The following MLIP variants were observed in gnomAD, a reference collection of about 807,000 sequenced individuals.
MLIP encodes muscular LMNA-interacting protein.
Under a neutral mutation model 84.8 loss-of-function variants are expected in MLIP, and 79 were observed. The ratio of observed to expected loss-of-function variants is 0.93; its 90% CI spans 0.78 to 1.12. The LOEUF (loss-of-function observed/expected upper bound fraction) is 1.12. Ranked by LOEUF, MLIP falls within the 50% of genes most tolerant of loss-of-function variation. MLIP has a pLI of 0.00. For synonymous variants in MLIP, 504 were observed against 463.0 expected, an observed-to-expected ratio of 1.09 and a Z score of -1.14; for missense variants, 1,257 against 1,160.6, an observed-to-expected ratio of 1.08 and a Z score of -1.21.
chr6:54,059,491 T>C (rs1468951098), intron 1 of MLIP, among the ~76,000 whole-genome samples: 1 of 152,184 alleles, frequency 6.6e-6, no homozygotes, highest in Non-Finnish European at 1.5e-5. Context: ...AGGGGAAATA[T>C]TCAATAAATA....
chr6:54,197,209 G>C (rs1778359555), intron 10 of MLIP, among the ~76,000 whole-genome samples: 1 of 152,010 alleles, frequency 6.6e-6, no homozygotes, highest in Admixed American at 6.6e-5. Flanking sequence ...TCAGTAAAAA[G>C]GTGAGGCATT....
At chr6:54,170,632 G>A (rs943989251) in intron 9 of MLIP, among the ~76,000 whole-genome samples, 3 of 151,472 alleles carry the variant, frequency 2.0e-5, no homozygotes, top group African/African-American at 7.3e-5. Context: ...CTGATTCTGG[G>A]AAAATTACTC....
At chr6:54,123,287 T>C (rs1356657809) in intron 2 of MLIP, among the ~76,000 whole-genome samples, 3 of 152,224 alleles carry the variant, frequency 2.0e-5, no homozygotes, top group South Asian at 2.1e-4. Flanking sequence ...CTCTTGATGA[T>C]TGGATTCCAA....
Position 54,266,166 on chromosome 6 carries a change from T to C in MLIP, c.*211T>C. 1 of 581,638 alleles carries C rather than the reference T, an allele frequency of 1.7e-6. No individual in the cohort carries two copies. The highest frequency in any genetic ancestry group is 2.3e-5 in the South Asian group (1 of 43,132). The allele number at this position is 581,638 out of a possible 1,614,324, so 36.0% of individuals were successfully genotyped here. A position where few individuals can be genotyped will look rare whatever the true frequency, so the allele number is the denominator to read the frequency against. ...AGCATAGAAGAGATTTACCTACAGC[T>C]TTTTGCACCACTGTTCTAGCCTTTA... On this transcript the variant is annotated 3_prime_UTR_variant, in exon 14 of 14. Coordinates refer to ENST00000502396, the MANE Select transcript of MLIP (RefSeq NM_001281747.2).
chr6:54,253,079 A>G (rs987415213), intron 12 of MLIP, among the ~76,000 whole-genome samples: 1 of 152,120 alleles, frequency 6.6e-6, no homozygotes, highest in Admixed American at 6.6e-5. Flanking sequence ...GTTGGGTCCT[A>G]TGCTAAGTAC....
rs758576910 is a variant in MLIP at position 54,121,469 on chromosome 6, C to G, written c.119C>G (p.Ala40Gly). 6.2e-7 allele frequency: 1 copy of G among 1,614,030 alleles called. No individual in the cohort carries two copies. Among genetic ancestry groups the G allele is most frequent in the Non-Finnish European group, 8.5e-7 (1 of 1,179,982 alleles). The change falls in exon 2 of 14, where the codon GCC becomes GGC. Residue 40 changes from alanine (A) to glycine (G), a missense_variant. Transcript: ENST00000502396. Reference protein sequence around the residue: ...TPQVSAGGSEAKPLIFTFVPT... With the variant: ...TPQVSAGGSEGKPLIFTFVPT... ...TAGGTCTCTGCTGGTGGTTCTGAAGCCAAACCTCTGATCTTCACATTTGTC... is the reference window on the plus strand; with the variant it reads ...TAGGTCTCTGCTGGTGGTTCTGAAGGCAAACCTCTGATCTTCACATTTGTC...
At chr6:54,220,306 A>C (rs1780135324) in intron 11 of MLIP, among the ~76,000 whole-genome samples, 1 of 152,186 alleles carries the variant, frequency 6.6e-6, no homozygotes, top group Non-Finnish European at 1.5e-5. Flanking sequence ...CAAGGTCATG[A>C]AGCTGTGCAA....
chr6:54,031,920 GC>G (rs1047193542), intron 1 of MLIP, among the ~76,000 whole-genome samples: 1 of 152,122 alleles, frequency 6.6e-6, no homozygotes, highest in African/African-American at 2.4e-5. Flanking sequence ...CCATCAGTAG[GC>G]AGCTATGGCA....
At chr6:54,139,807 C>T (rs1186888242) in intron 4 of MLIP, among the ~76,000 whole-genome samples, 1 of 151,968 alleles carries the variant, frequency 6.6e-6, no homozygotes, top group Non-Finnish European at 1.5e-5. Flanking sequence ...TTTATTGCTA[C>T]AAAGAAATAA....
intron 4 of MLIP, among the ~76,000 whole-genome samples, chr6:54,146,558 G>A (rs1389374795): frequency 6.6e-6 from 1 of 152,152 alleles, no homozygotes; most frequent in East Asian, 1.9e-4. Flanking sequence ...TTGGCTCAAT[G>A]TAGGGGAGAA....
chr6:54,209,023 G>T (rs1779234846), intron 11 of MLIP, among the ~76,000 whole-genome samples: 1 of 152,186 alleles, frequency 6.6e-6, no homozygotes, highest in South Asian at 2.1e-4. Flanking sequence ...AATGCATACA[G>T]GAGAACATAA....
At chr6:54,021,515 C>G (rs1697809758) in intron 1 of MLIP, among the ~76,000 whole-genome samples, 1 of 152,052 alleles carries the variant, frequency 6.6e-6, no homozygotes, top group Admixed American at 6.5e-5. Flanking sequence ...TTTAAAAATT[C>G]ATCAGTTTAT....
At chr6:54,159,062 C>A (rs1774343847) in intron 5 of MLIP, among the ~76,000 whole-genome samples, 1 of 151,880 alleles carries the variant, frequency 6.6e-6, no homozygotes, top group South Asian at 2.1e-4. Context: ...CAGGTGTATG[C>A]CAACACATTC....
At chr6:54,082,035 A>G (rs948885489) in intron 1 of MLIP, among the ~76,000 whole-genome samples, 11 of 152,126 alleles carry the variant, frequency 7.2e-5, no homozygotes, top group Non-Finnish European at 1.2e-4. Context: ...AATTCTCATT[A>G]TAACTATATA....
At chr6:54,259,720 C>T (rs1310561372) in intron 13 of MLIP, among the ~76,000 whole-genome samples, 1 of 151,796 alleles carries the variant, frequency 6.6e-6, no homozygotes, top group African/African-American at 2.4e-5. Flanking sequence ...GAGACAATAC[C>T]TATTATTAGT....
chr6:54,207,686 T>C (rs1031854119), intron 11 of MLIP, among the ~76,000 whole-genome samples: 1 of 152,196 alleles, frequency 6.6e-6, no homozygotes, highest in Admixed American at 6.5e-5. Flanking sequence ...TTGGTGGATA[T>C]GTAGTGTCTG....
At chr6:54,131,645 A>G (rs1414009070) in intron 3 of MLIP, among the ~76,000 whole-genome samples, 1 of 152,194 alleles carries the variant, frequency 6.6e-6, no homozygotes, top group East Asian at 1.9e-4. Context: ...CAGTGATTAT[A>G]TTGTACAGAC....
chr6:54,154,446 A>G (rs1773805848), intron 5 of MLIP, among the ~76,000 whole-genome samples: 1 of 152,208 alleles, frequency 6.6e-6, no homozygotes, highest in African/African-American at 2.4e-5. Context: ...AGGCTGCCGT[A>G]TTGAATACTC....
At chr6:54,252,071 A>ATATAATATATAATATAAATATATAT (rs1782618486) in intron 12 of MLIP, among the ~76,000 whole-genome samples, 1 of 96,972 alleles carries the variant, frequency 1.0e-5, no homozygotes, top group African/African-American at 4.4e-5. Context: ...ATATTATAAC[A>ATATAATATATAATATAAATATATAT]TATAATATAT....
Sources: allele counts gnomAD v4.1 joint callset (sites outside exome capture counted in the v4.1 genomes callset), GRCh38; gene constraint gnomAD v4.1.1; transcripts MANE v1.5; gene names NCBI Gene and HGNC (gene_info 2026-07-23, HGNC 2026-07-21).